TMEFF1: variants seen among roughly 807,000 people sequenced by gnomAD.
The protein encoded by TMEFF1 is tomoregulin-1.
A neutral mutation model predicts 47.5 loss-of-function variants in TMEFF1; 20 were observed. The observed-to-expected ratio is 0.42, with a 90% CI of 0.30 to 0.61. TMEFF1 has a LOEUF of 0.61. TMEFF1 is among the 20% of genes least tolerant of loss of function. TMEFF1 has a pLI of 0.19. For synonymous variants in TMEFF1, 162 were observed against 166.3 expected, an observed-to-expected ratio of 0.97 and a Z score of 0.20; for missense variants, 411 against 471.1, an observed-to-expected ratio of 0.87 and a Z score of 1.18.
intron 2 of TMEFF1, among the ~76,000 whole-genome samples, chr9:100,499,945 C>T (rs1045044774): frequency 3.9e-5 from 6 of 152,126 alleles, no homozygotes; most frequent in Non-Finnish European, 8.8e-5. Flanking sequence ...CATTCAATTA[C>T]GTAGAATGAT....
At chr9:100,539,974 G>A (rs1838597365) in intron 5 of TMEFF1, among the ~76,000 whole-genome samples, 1 of 152,078 alleles carries the variant, frequency 6.6e-6, no homozygotes, top group South Asian at 2.1e-4. Flanking sequence ...CACACAGAGC[G>A]CTGATGGGTG....
intron 5 of TMEFF1, among the ~76,000 whole-genome samples, chr9:100,529,251 TAAATGTA>T (rs1838329184): frequency 1.3e-5 from 2 of 149,818 alleles, no homozygotes; most frequent in South Asian, 4.2e-4. Context: ...ATATTAACTT[TAAATGTA>T]AATGGACTAA....
rs142241526 is a variant in TMEFF1 at position 100,526,914 on chromosome 9, A to G, written c.560+10143A>G. 8.9e-4 allele frequency among the ~76,000 whole-genome samples: 124 copies of G among 139,638 alleles called. 3 individuals are homozygous for G. In the East Asian group the frequency reaches 0.025, roughly 28 times the overall value. The allele number at this position is 139,638 out of a possible 152,430, so 91.6% of individuals were successfully genotyped here. A position where few individuals can be genotyped will look rare whatever the true frequency, so the allele number is the denominator to read the frequency against. On this transcript the variant is annotated intron_variant, in intron 5 of 9. Coordinates refer to ENST00000374879, the MANE Select transcript of TMEFF1 (RefSeq NM_003692.5). ...CACCTGAGATCAGGAGTTCAAGACC[A>G]GCCTGGGCAACATGGTGAAACCCTG... is the stretch of plus-strand genomic sequence containing the variant.
chr9:100,520,416 T>G (rs1038509677), intron 5 of TMEFF1, among the ~76,000 whole-genome samples: 21 of 152,254 alleles, frequency 1.4e-4, no homozygotes, highest in African/African-American at 4.3e-4. Context: ...CTATCTGATT[T>G]GCAAAGAGCA....
At chr9:100,572,432 T>C in intron 8 of TMEFF1, 86 bp from the exon 9 acceptor site, 1 of 1,370,270 alleles carries the variant, frequency 7.3e-7, no homozygotes, top group Non-Finnish European at 9.5e-7. Flanking sequence ...TTAAATTTTA[T>C]TACTATTTTG....
At chr9:100,484,874 A>G (rs1019259710) in intron 1 of TMEFF1, among the ~76,000 whole-genome samples, 1 of 151,646 alleles carries the variant, frequency 6.6e-6, no homozygotes, top group Non-Finnish European at 1.5e-5. Flanking sequence ...ACGGAGTTTC[A>G]CTGCGTTGGC....
intron 5 of TMEFF1, among the ~76,000 whole-genome samples, chr9:100,531,613 C>G (rs1838379477): frequency 6.6e-6 from 1 of 152,112 alleles, no homozygotes; most frequent in Non-Finnish European, 1.5e-5. Flanking sequence ...GAAGAACATT[C>G]CATGCTCATG....
chr9:100,555,116 AAGG>A (rs1352570366), intron 7 of TMEFF1, among the ~76,000 whole-genome samples: 1 of 151,854 alleles, frequency 6.6e-6, no homozygotes, highest in East Asian at 1.9e-4. Flanking sequence ...CTGTGGGTGA[AAGG>A]AGCCATTTGG....
At chr9:100,570,707 T>G (rs955496167) in intron 8 of TMEFF1, among the ~76,000 whole-genome samples, 3 of 151,978 alleles carry the variant, frequency 2.0e-5, no homozygotes, top group Admixed American at 2.0e-4. Context: ...CTGGGAAGTG[T>G]CTAGGAACCT....
intron 7 of TMEFF1, among the ~76,000 whole-genome samples, chr9:100,557,480 A>G (rs1587854541): frequency 6.6e-6 from 1 of 152,168 alleles, no homozygotes; most frequent in Admixed American, 6.5e-5. Flanking sequence ...ACTTTGACAT[A>G]TACCCTTCGC....
At chr9:100,484,191 A>C (rs1447918546) in intron 1 of TMEFF1, among the ~76,000 whole-genome samples, 1 of 152,210 alleles carries the variant, frequency 6.6e-6, no homozygotes, top group Non-Finnish European at 1.5e-5. Flanking sequence ...ACTCATTTAC[A>C]TTAAATTAAG....
intron 2 of TMEFF1, among the ~76,000 whole-genome samples, chr9:100,501,607 A>G (rs1052496145): frequency 2.0e-5 from 3 of 152,060 alleles, no homozygotes; most frequent in Non-Finnish European, 4.4e-5. Flanking sequence ...TAAACTCTCA[A>G]GAGAACCTGC....
At chr9:100,513,222 T>C (rs1838000544) in intron 3 of TMEFF1, 85 bp from the exon 4 acceptor site, 2 of 1,557,200 alleles carry the variant, frequency 1.3e-6, no homozygotes, top group African/African-American at 1.4e-5. Flanking sequence ...TATCACAGTT[T>C]TATTTTTGAT....
intron 8 of TMEFF1, among the ~76,000 whole-genome samples, chr9:100,571,677 C>T (rs1207879171): frequency 6.6e-6 from 1 of 152,092 alleles, no homozygotes; most frequent in African/African-American, 2.4e-5. Context: ...GGGGATGATT[C>T]AAGTGCATTA....
At chr9:100,505,188 C>T (rs575154503) in intron 2 of TMEFF1, among the ~76,000 whole-genome samples, 15 of 151,454 alleles carry the variant, frequency 9.9e-5, no homozygotes, top group South Asian at 2.1e-4. Flanking sequence ...CCGAGGTGGG[C>T]GGATCACGAG....
intron 5 of TMEFF1, among the ~76,000 whole-genome samples, chr9:100,543,041 G>T (rs1838663603): frequency 6.7e-6 from 1 of 150,344 alleles, no homozygotes; most frequent in Non-Finnish European, 1.5e-5. Context: ...CGATTCTCCT[G>T]CCTCAGCCTC....
At chr9:100,486,731 C>T (rs1837457031) in intron 1 of TMEFF1, among the ~76,000 whole-genome samples, 1 of 152,118 alleles carries the variant, frequency 6.6e-6, no homozygotes, top group South Asian at 2.1e-4. Context: ...CTTCCAGGCT[C>T]AATTGATCCT....
chr9:100,572,372 T>C lies in TMEFF1; in HGVS notation c.900-146T>C, dbSNP rs74867039. On this transcript the variant is annotated intron_variant, in intron 8 of 9. Coordinates refer to ENST00000374879, the MANE Select transcript of TMEFF1 (RefSeq NM_003692.5). ...GAAAGACAGTAGGGAAACATACAAA[T>C]GACATTTTTCCCCCAGATGGTAGGA... 1.2e-3 allele frequency: 1,058 copies of C among 891,430 alleles called. 9 individuals are homozygous for C. The African/African-American group carries it at 0.017, about 14-fold the overall frequency. The allele number at this position is 891,430 out of a possible 1,614,324, so 55.2% of individuals were successfully genotyped here.
At chr9:100,573,401 T>G (rs1238678184) in intron 9 of TMEFF1, among the ~76,000 whole-genome samples, 1 of 152,152 alleles carries the variant, frequency 6.6e-6, no homozygotes, top group Non-Finnish European at 1.5e-5. Context: ...AATGACTTAT[T>G]TGGAGTGCAG....
Sources: gnomAD v4.1 joint callset for allele counts (sites outside exome capture counted in the v4.1 genomes callset) on GRCh38, gnomAD v4.1.1 for gene constraint, MANE v1.5 for transcripts, NCBI Gene and HGNC (gene_info 2026-07-23, HGNC 2026-07-21) for gene names.